NUBPL: variants seen among roughly 807,000 people sequenced by gnomAD.
The protein encoded by NUBPL is iron-sulfur cluster transfer protein NUBPL.
In NUBPL, 31 loss-of-function variants were observed where a neutral mutation model predicts 45.7. That is an observed-to-expected ratio of 0.68 (90% CI 0.51 to 0.92). The LOEUF (loss-of-function observed/expected upper bound fraction) is 0.92. Among genes scored for constraint, NUBPL ranks in the 40% least tolerant of loss-of-function variants. NUBPL has a pLI of 0.00. For synonymous variants in NUBPL, 144 were observed against 140.9 expected, an observed-to-expected ratio of 1.02 and a Z score of -0.15; for missense variants, 401 against 398.7, an observed-to-expected ratio of 1.01 and a Z score of -0.05.
At chr14:31,704,710 C>T (rs935307153) in intron 6 of NUBPL, among the ~76,000 whole-genome samples, 1 of 151,992 alleles carries the variant, frequency 6.6e-6, no homozygotes, top group African/African-American at 2.4e-5. Flanking sequence ...TCTTTGTTCA[C>T]TTTTTTTCTC....
intron 3 of NUBPL, among the ~76,000 whole-genome samples, chr14:31,566,054 T>C (rs1304372176): frequency 6.6e-6 from 1 of 152,182 alleles, no homozygotes; most frequent in Non-Finnish European, 1.5e-5. Flanking sequence ...GCTTCATACC[T>C]ATTTTATAGA....
chr14:31,753,807 C>G (rs1366943891), intron 6 of NUBPL, among the ~76,000 whole-genome samples: 1 of 152,154 alleles, frequency 6.6e-6, no homozygotes, highest in Non-Finnish European at 1.5e-5. Flanking sequence ...CACTTCCTTG[C>G]TGAATTTCAG....
At chr14:31,770,994 C>A (rs1041889904) in intron 6 of NUBPL, among the ~76,000 whole-genome samples, 5 of 152,068 alleles carry the variant, frequency 3.3e-5, no homozygotes, top group Non-Finnish European at 7.4e-5. Flanking sequence ...GTTCAAAAAG[C>A]TGTGGGTGTT....
At chr14:31,625,997 A>C (rs1431281622) in intron 4 of NUBPL, among the ~76,000 whole-genome samples, 1 of 152,116 alleles carries the variant, frequency 6.6e-6, no homozygotes, top group Non-Finnish European at 1.5e-5. Flanking sequence ...AAGGTAATGG[A>C]AAGATCATGT....
At position 31,636,729 on chromosome 14, in the gene NUBPL, T is replaced by C. The variant is rs187979252; in HGVS notation, c.383-36626T>C. Reference sequence around the variant, plus strand: ...TGAATCCATCTGGTCCTGGAGTCTTTTTAGTTGGTAAGCTATTGATTATTG... The same window carrying C: ...TGAATCCATCTGGTCCTGGAGTCTTCTTAGTTGGTAAGCTATTGATTATTG... On this transcript the variant is annotated intron_variant, in intron 4 of 10. Coordinates refer to ENST00000281081, the MANE Select transcript of NUBPL (RefSeq NM_025152.3). Among the ~76,000 whole-genome samples the C allele has an allele frequency of 1.3e-5, 2 of 152,278 alleles. 1 individual carries two copies. Among genetic ancestry groups the C allele is most frequent in the African/African-American group, 4.8e-5 (2 of 41,582 alleles).
intron 4 of NUBPL, among the ~76,000 whole-genome samples, chr14:31,619,417 T>C (rs1384724296): frequency 6.6e-6 from 1 of 152,250 alleles, no homozygotes; most frequent in Non-Finnish European, 1.5e-5. Flanking sequence ...TTACAGTGGC[T>C]GTTACCAGTG....
At chr14:31,813,103 C>G (rs1160260763) in intron 7 of NUBPL, among the ~76,000 whole-genome samples, 19 of 150,820 alleles carry the variant, frequency 1.3e-4, no homozygotes. Flanking sequence ...ATTCTCGTTT[C>G]AGCCTCCCAA....
chr14:31,719,656 G>C (rs998965292), intron 6 of NUBPL, among the ~76,000 whole-genome samples: 3 of 152,052 alleles, frequency 2.0e-5, no homozygotes, highest in African/African-American at 7.2e-5. Flanking sequence ...TAGCATTAAA[G>C]CAAAAGTTTA....
intron 4 of NUBPL, among the ~76,000 whole-genome samples, chr14:31,632,518 G>A (rs1204057719): frequency 6.6e-6 from 1 of 152,190 alleles, no homozygotes; most frequent in Non-Finnish European, 1.5e-5. Flanking sequence ...AGCTAGGTTG[G>A]AGTAGCTGCC....
At chr14:31,825,451 T>G (rs2040081059) in intron 7 of NUBPL, among the ~76,000 whole-genome samples, 1 of 152,102 alleles carries the variant, frequency 6.6e-6, no homozygotes, top group African/African-American at 2.4e-5. Flanking sequence ...ATTAACAGCT[T>G]CTTCTTCCTC....
At chr14:31,604,744 G>A (rs2034538056) in intron 4 of NUBPL, among the ~76,000 whole-genome samples, 1 of 152,078 alleles carries the variant, frequency 6.6e-6, no homozygotes, top group Non-Finnish European at 1.5e-5. Flanking sequence ...AACACATTTT[G>A]CATTTAAGAC....
At chr14:31,803,377 A>G (rs1432323390) in intron 7 of NUBPL, among the ~76,000 whole-genome samples, 1 of 152,176 alleles carries the variant, frequency 6.6e-6, no homozygotes, top group Non-Finnish European at 1.5e-5. Flanking sequence ...GTTTTGGAAA[A>G]CATTGAAAAT....
chr14:31,639,793 G>A (rs934951987), intron 4 of NUBPL, among the ~76,000 whole-genome samples: 12 of 152,272 alleles, frequency 7.9e-5, no homozygotes, highest in African/African-American at 2.2e-4. Flanking sequence ...AATGGCGGGC[G>A]CCCCTCCCCC....
At chr14:31,588,415 CTCTTT>C (rs1394312194) in intron 3 of NUBPL, among the ~76,000 whole-genome samples, 2 of 1,400 alleles carry the variant, frequency 1.4e-3, no homozygotes, top group Non-Finnish European at 2.3e-3. Context: ...AGATCTCTCT[CTCTTT>C]TTTTTTTGGT....
At chr14:31,814,167 C>G (rs916258604) in intron 7 of NUBPL, among the ~76,000 whole-genome samples, 2 of 152,204 alleles carry the variant, frequency 1.3e-5, no homozygotes, top group Non-Finnish European at 2.9e-5. Flanking sequence ...AAAAGCATTC[C>G]TATTTCTCCA....
At chr14:31,564,889 G>A (rs1179348127) in intron 2 of NUBPL, 125 bp from the exon 3 acceptor site, 1 of 612,644 alleles carries the variant, frequency 1.6e-6, no homozygotes, top group Non-Finnish European at 2.9e-6. Flanking sequence ...ATATGCTTAG[G>A]TTATTACATG....
At chr14:31,605,070 A>G (rs2139578176) in intron 4 of NUBPL, among the ~76,000 whole-genome samples, 1 of 152,360 alleles carries the variant, frequency 6.6e-6, no homozygotes, top group Middle Eastern at 3.4e-3. Context: ...ACCAGCATCT[A>G]AGCATGAATA....
In NUBPL at chr14:31,826,573, A is replaced by G. The variant is rs911940170; in HGVS notation, c.608-56A>G. The G allele has an allele frequency of 2.8e-5, 42 of 1,477,870 alleles. 1 individual carries two copies. Among genetic ancestry groups the G allele is most frequent in the Non-Finnish European group, 4.0e-5 (42 of 1,057,032 alleles). The allele number at this position is 1,477,870 out of a possible 1,614,324, so 91.5% of individuals were successfully genotyped here. On this transcript the variant is annotated intron_variant, in intron 7 of 10. Coordinates refer to ENST00000281081, the MANE Select transcript of NUBPL (RefSeq NM_025152.3). ...CGTATGTAAGCAACATAATGCTGGA[A>G]GTAATTTCTCCATAGAGAATTAAAA... is the stretch of plus-strand genomic sequence containing the variant.
chr14:31,787,857 G>C lies in NUBPL; in HGVS notation c.591G>C (p.Gln197His). Residue 197 changes from glutamine (Q) to histidine (H), a missense_variant, in exon 7 of 11, where the codon CAG becomes CAC. Transcript: ENST00000281081. The part of the protein sequence containing the change: ...GTGDVQLSVS[Q>H]NIPITGAVIV... The stretch of plus-strand genomic sequence containing the variant: ...GAGATGTGCAGTTATCAGTCTCACA[G>C]AATATTCCTATAACAGGTAAATCTT... The C allele has an allele frequency of 6.2e-7, 1 of 1,609,558 alleles. No individual in the cohort carries two copies.
Sources: allele counts gnomAD v4.1 joint callset (sites outside exome capture counted in the v4.1 genomes callset), GRCh38; gene constraint gnomAD v4.1.1; transcripts MANE v1.5; gene names NCBI Gene and HGNC (gene_info 2026-07-23, HGNC 2026-07-21).